Variants in NDUFV2 observed in about 807,000 individuals in gnomAD.
NDUFV2 encodes the protein NADH:ubiquinone oxidoreductase core subunit V2.
NDUFV2 carries 18 observed loss-of-function variants against 31.6 expected under a neutral mutation model. The observed-to-expected ratio is 0.57, with a 90% CI of 0.39 to 0.84. The LOEUF (loss-of-function observed/expected upper bound fraction) is 0.84. NDUFV2 is among the 40% of genes least tolerant of loss of function. The pLI, the probability that NDUFV2 is intolerant of heterozygous loss-of-function variation, is 0.00. For synonymous variants in NDUFV2, 83 were observed against 99.8 expected (o/e 0.83, Z 1.01); for missense variants, 314 against 303.6 (o/e 1.03, Z -0.26).
intron 4 of NDUFV2, among the ~76,000 whole-genome samples, chr18:9,120,024 T>A (rs2077923510): frequency 6.6e-6 from 1 of 152,132 alleles, no homozygotes; most frequent in African/African-American, 2.4e-5. Flanking sequence ...GTATAATAGG[T>A]GATATTTATA....
chr18:9,126,970 T>C, intron 7 of NDUFV2, 63 bp downstream of exon 7: 2 of 1,374,702 alleles, frequency 1.5e-6, no homozygotes, highest in South Asian at 2.3e-5. Flanking sequence ...TCAGATAAAC[T>C]TGATTTAAAA....
intron 1 of NDUFV2, among the ~76,000 whole-genome samples, chr18:9,105,916 G>A (rs2077839492): frequency 6.6e-6 from 1 of 152,150 alleles, no homozygotes; most frequent in East Asian, 1.9e-4. Context: ...TCTTGAAAAT[G>A]TGTTTTCCTT....
chr18:9,129,328 C>A (rs542639373), intron 7 of NDUFV2, among the ~76,000 whole-genome samples: 37 of 152,256 alleles, frequency 2.4e-4, no homozygotes, highest in African/African-American at 8.4e-4. Context: ...TCCTGCCACA[C>A]AAATTGATAC....
Position 9,124,881 on chromosome 18 carries a change from G to C in NDUFV2, c.477G>C (p.Lys159Asn). 6.2e-7 allele frequency: 1 copy of C among 1,611,320 alleles called. No individual in the cohort carries two copies. The highest frequency in any genetic ancestry group is 1.1e-5 in the South Asian group (1 of 91,010). The change falls in exon 6 of 8, where the codon AAG becomes AAC. Residue 159 changes from lysine to asparagine, a missense_variant. Transcript: ENST00000318388. ...GTTTATTTGTATTTTTAGGAATAAA[G>C]GTTGGGGAGACTACACCTGACAAAC... ...LEAIQKKLGI[K>N]VGETTPDKLF...
intron 7 of NDUFV2, among the ~76,000 whole-genome samples, chr18:9,127,962 G>A (rs544654437): frequency 6.6e-6 from 1 of 152,208 alleles, no homozygotes; most frequent in African/African-American, 2.4e-5. Flanking sequence ...GGTTGCTCCC[G>A]TCCCATACCT....
At position 9,129,141 on chromosome 18, in the gene NDUFV2, A is replaced by G. The variant is rs148949602; in HGVS notation, c.656+2234A>G. 2.8e-3 allele frequency among the ~76,000 whole-genome samples: 432 copies of G among 152,260 alleles called. 8 individuals carry two copies. The highest frequency in any genetic ancestry group is 9.8e-3 in the African/African-American group (407 of 41,548). ...TTTTTAGTAGAGACGGGGTTTTACC[A>G]TGTTGGCCAGGGTGGTCTCGAACTC... is the stretch of plus-strand genomic sequence containing the variant. On this transcript the variant is annotated intron_variant, in intron 7 of 7. Coordinates refer to ENST00000318388, the MANE Select transcript of NDUFV2 (RefSeq NM_021074.5).
chr18:9,126,949 A>AAATTAATCTTTCACC lies in NDUFV2; in HGVS notation c.656+55_656+56insCCAATTAATCTTTCA, dbSNP rs758106101. 5 of 1,469,390 alleles carry AAATTAATCTTTCACC rather than the reference A, an allele frequency of 3.4e-6. No homozygotes were observed. In the South Asian group the frequency reaches 5.7e-5, roughly 17 times the overall value. 91.0% of individuals were successfully genotyped at this position (1,469,390 alleles called of 1,614,324 possible). Reference sequence around the variant, plus strand: ...TATAGGAAGTTTTAGTGGCTCACCTAAATTAATCTTTCAGATAAACTTGAT... The same window carrying AAATTAATCTTTCACC: ...TATAGGAAGTTTTAGTGGCTCACCTAAATTAATCTTTCACCAATTAATCTTTCAGATAAACTTGAT... On this transcript the variant is annotated intron_variant, in intron 7 of 7. Coordinates refer to ENST00000318388, the MANE Select transcript of NDUFV2 (RefSeq NM_021074.5).
At chr18:9,104,260 CAG>C (rs761851656) in intron 1 of NDUFV2, 120 of 1,612,532 alleles carry the variant, frequency 7.4e-5, no homozygotes, top group Middle Eastern at 1.7e-4. Context: ...AAGGGAGAGA[CAG>C]GGGCCAGATA....
intron 4 of NDUFV2, among the ~76,000 whole-genome samples, chr18:9,120,912 G>A (rs547609238): frequency 1.3e-5 from 2 of 151,944 alleles, no homozygotes; most frequent in African/African-American, 2.4e-5. Flanking sequence ...TGAGTGGCAC[G>A]TTAGCAGAGC....
intron 4 of NDUFV2, among the ~76,000 whole-genome samples, chr18:9,122,076 T>C (rs1374938146): frequency 6.6e-6 from 1 of 152,214 alleles, no homozygotes; most frequent in Admixed American, 6.5e-5. Flanking sequence ...TGTAGGCTGT[T>C]TGGAAAAAAT....
intron 1 of NDUFV2, chr18:9,104,924 T>C: frequency 6.6e-7 from 1 of 1,507,382 alleles, no homozygotes; most frequent in Non-Finnish European, 9.0e-7. Context: ...TGTTAACATT[T>C]TGATGTCTAC....
chr18:9,133,097 T>C (rs952956977), intron 7 of NDUFV2, among the ~76,000 whole-genome samples: 5 of 152,212 alleles, frequency 3.3e-5, no homozygotes, highest in Non-Finnish European at 7.3e-5. Context: ...TTGTATTATA[T>C]GCTGTGACAT....
chr18:9,132,651 G>C (rs1249822148), intron 7 of NDUFV2, among the ~76,000 whole-genome samples: 1 of 152,172 alleles, frequency 6.6e-6, no homozygotes, highest in Non-Finnish European at 1.5e-5. Context: ...GAGGCGGACA[G>C]ATTGTTTGAG....
chr18:9,128,650 ACTTATTCTTG>A (rs2078013333), intron 7 of NDUFV2, among the ~76,000 whole-genome samples: 1 of 152,074 alleles, frequency 6.6e-6, no homozygotes, highest in Admixed American at 6.6e-5. Flanking sequence ...CCTATCCCTT[ACTTATTCTTG>A]CTTTAAATAG....
At chr18:9,119,675 T>G in intron 4 of NDUFV2, 85 bp downstream of exon 4, 2 of 1,123,558 alleles carry the variant, frequency 1.8e-6, no homozygotes, top group Non-Finnish European at 2.7e-6. Context: ...TCTGATCATC[T>G]CCAGTGTCAG....
intron 4 of NDUFV2, among the ~76,000 whole-genome samples, chr18:9,120,496 T>TCA (rs2077927009): frequency 1.3e-5 from 2 of 152,202 alleles, no homozygotes; most frequent in African/African-American, 4.8e-5. Context: ...GAGATTTTGT[T>TCA]GTACTTCATT....
intron 7 of NDUFV2, among the ~76,000 whole-genome samples, chr18:9,130,512 T>A (rs995094444): frequency 6.6e-6 from 1 of 152,204 alleles, no homozygotes; most frequent in Non-Finnish European, 1.5e-5. Flanking sequence ...CAATGCTGTA[T>A]TATATAAAGC....
chr18:9,104,503 G>T (rs961849142), intron 1 of NDUFV2, among the ~76,000 whole-genome samples: 2 of 152,168 alleles, frequency 1.3e-5, no homozygotes, highest in African/African-American at 4.8e-5. Context: ...ATGGTAGAAA[G>T]AAAAGAAATT....
rs760803817 is a variant in NDUFV2 at position 9,134,200 on chromosome 18, C to T, written c.671C>T (p.Ser224Phe). 1.9e-6 allele frequency: 3 copies of T among 1,613,458 alleles called. No individual in the cohort carries two copies. Among genetic ancestry groups the T allele is most frequent in the Non-Finnish European group, 2.5e-6 (3 of 1,179,760 alleles). ...PKPGPRSGRFSCEPAGGLTSL... is the reference protein window; with the variant it reads ...PKPGPRSGRFFCEPAGGLTSL... ...TTTCATTTCAGGAGTGGACGCTTCT[C>T]TTGTGAGCCAGCTGGAGGTCTTACC... Residue 224 changes from serine (S) to phenylalanine (F), a missense_variant, in exon 8 of 8, where the codon TCT (serine) becomes TTT (phenylalanine). Ser to Phe is a radical substitution (Grantham distance 155). Transcript: ENST00000318388.
Sources: allele counts gnomAD v4.1 joint callset (sites outside exome capture counted in the v4.1 genomes callset), GRCh38; gene constraint gnomAD v4.1.1; transcripts MANE v1.5; gene names NCBI Gene and HGNC (gene_info 2026-07-23, HGNC 2026-07-21).